The following FGF14 variants were observed in gnomAD, a reference collection of about 807,000 sequenced individuals.
FGF14 encodes the protein fibroblast growth factor 14.
A neutral mutation model predicts 25.5 loss-of-function variants in FGF14; 5 were observed. The observed-to-expected ratio is 0.20, with a 90% CI of 0.10 to 0.41. The LOEUF is 0.41. FGF14 is among the 10% of genes least tolerant of loss of function. The pLI is 1.00. For synonymous variants in FGF14, 138 were observed against 118.3 expected, an observed-to-expected ratio of 1.17 and a Z score of -1.08; for missense variants, 222 against 320.1, an observed-to-expected ratio of 0.69 and a Z score of 2.34.
intron 1 of FGF14, among the ~76,000 whole-genome samples, chr13:102,131,621 C>A (rs916680413): frequency 6.6e-6 from 1 of 152,138 alleles, no homozygotes; most frequent in African/African-American, 2.4e-5. Flanking sequence ...CTATATGAAG[C>A]TTTGGTCAAA....
intron 3 of FGF14, among the ~76,000 whole-genome samples, chr13:101,849,776 A>G (rs1214818178): frequency 2.0e-5 from 3 of 152,050 alleles, no homozygotes; most frequent in Non-Finnish European, 2.9e-5. Context: ...TTGAGAGGCA[A>G]TTAAGTTCCT....
intron 1 of FGF14, among the ~76,000 whole-genome samples, chr13:101,926,715 C>T (rs1010120197): frequency 3.9e-5 from 6 of 152,194 alleles, no homozygotes; most frequent in Non-Finnish European, 8.8e-5. Context: ...AGATTTGGGG[C>T]CTAAGGCTAT....
intron 1 of FGF14, among the ~76,000 whole-genome samples, chr13:102,034,847 A>C (rs973031838): frequency 6.6e-6 from 1 of 151,836 alleles, no homozygotes; most frequent in Non-Finnish European, 1.5e-5. Flanking sequence ...ATGGCCCCAG[A>C]CTCTCTATGA....
intron 1 of FGF14, among the ~76,000 whole-genome samples, chr13:102,017,669 CAA>C (rs1462551816): frequency 6.6e-5 from 10 of 152,132 alleles, no homozygotes; most frequent in Non-Finnish European, 1.5e-5. Context: ...TTTAGTTCTG[CAA>C]AGTTTTCATC....
At chr13:102,178,355 G>T (rs1034316502) in intron 1 of FGF14, among the ~76,000 whole-genome samples, 3 of 152,076 alleles carry the variant, frequency 2.0e-5, no homozygotes, top group African/African-American at 7.2e-5. Context: ...AAATCACCTA[G>T]ATCTCTAATA....
chr13:101,864,672 C>T (rs2044600605), intron 3 of FGF14, among the ~76,000 whole-genome samples: 1 of 152,038 alleles, frequency 6.6e-6, no homozygotes, highest in Non-Finnish European at 1.5e-5. Flanking sequence ...TATTTCTCTC[C>T]ACTTATACAA....
At chr13:102,035,839 T>C (rs1461727444) in intron 1 of FGF14, among the ~76,000 whole-genome samples, 4 of 152,100 alleles carry the variant, frequency 2.6e-5, no homozygotes, top group Non-Finnish European at 5.9e-5. Flanking sequence ...AGCTCTAAAG[T>C]GCTGTGTTGA....
rs2034868057 is a variant in FGF14, at chr13:101,719,920, C to CAAAG, written c.*2907_*2910dup. 3 of 152,180 alleles carry CAAAG rather than the reference C, an allele frequency of 2.0e-5. No homozygotes were observed. The highest frequency in any genetic ancestry group is 2.1e-4 in the South Asian group (1 of 4,822). 9.4% of individuals were successfully genotyped at this position (152,180 alleles called of 1,614,324 possible). On this transcript the variant is annotated 3_prime_UTR_variant, in exon 5 of 5. Transcript: ENST00000376143. ...AAACAAATAGCAAGAGAGGTATCAT[C>CAAAG]AAAGAGCTAAAATTTTCTTTGGCAT... is the stretch of plus-strand genomic sequence containing the variant.
intron 1 of FGF14, among the ~76,000 whole-genome samples, chr13:102,143,688 T>G (rs895617953): frequency 6.6e-6 from 1 of 152,234 alleles, no homozygotes; most frequent in African/African-American, 2.4e-5. Flanking sequence ...TCTACTGACT[T>G]GATAGAGTCA....
intron 1 of FGF14, among the ~76,000 whole-genome samples, chr13:102,290,404 T>C (rs570824450): frequency 7.2e-5 from 11 of 152,316 alleles, no homozygotes; most frequent in Non-Finnish European, 1.3e-4. Flanking sequence ...GTTTAGCTTA[T>C]AAGCTACCCA....
intron 1 of FGF14, among the ~76,000 whole-genome samples, chr13:101,971,914 C>T (rs1320846722): frequency 2.0e-5 from 3 of 152,234 alleles, no homozygotes; most frequent in Non-Finnish European, 4.4e-5. Flanking sequence ...TTCTACATGG[C>T]AGGGCCTGGG....
chr13:102,050,209 G>A (rs576503645), intron 1 of FGF14, among the ~76,000 whole-genome samples: 2 of 152,278 alleles, frequency 1.3e-5, no homozygotes, highest in South Asian at 2.1e-4. Context: ...TTTCTAGGAT[G>A]TACTTATCCT....
intron 1 of FGF14, among the ~76,000 whole-genome samples, chr13:102,051,655 C>A (rs1361192106): frequency 6.6e-6 from 1 of 152,180 alleles, no homozygotes; most frequent in African/African-American, 2.4e-5. Context: ...CCAACTCTGA[C>A]CTTAGCTGAT....
At chr13:101,854,600 C>A (rs2044027620) in intron 3 of FGF14, among the ~76,000 whole-genome samples, 1 of 152,056 alleles carries the variant, frequency 6.6e-6, no homozygotes, top group Non-Finnish European at 1.5e-5. Flanking sequence ...TTATGCATTT[C>A]TTGGAAAGCA....
At chr13:102,207,624 T>TAAAAAAA (rs35568335) in intron 1 of FGF14, among the ~76,000 whole-genome samples, 3 of 92,472 alleles carry the variant, frequency 3.2e-5, no homozygotes, top group Admixed American at 1.2e-4. Flanking sequence ...CAGTTTTCAT[T>TAAAAAAA]AAAAAAAAAA....
chr13:102,304,091 A>AATCATC (rs148147112), intron 1 of FGF14, among the ~76,000 whole-genome samples: 2 of 151,584 alleles, frequency 1.3e-5, no homozygotes, highest in African/African-American at 2.4e-5. Flanking sequence ...ACTGAACCCA[A>AATCATC]ATCATCATCA....
chr13:101,829,153 T>C (rs1415439267), intron 3 of FGF14, among the ~76,000 whole-genome samples: 1 of 152,094 alleles, frequency 6.6e-6, no homozygotes, highest in Non-Finnish European at 1.5e-5. Context: ...ATTATTCTCA[T>C]CCAAAAGTCT....
chr13:102,292,070 A>T (rs1451474376), intron 1 of FGF14, among the ~76,000 whole-genome samples: 1 of 151,994 alleles, frequency 6.6e-6, no homozygotes, highest in Non-Finnish European at 1.5e-5. Context: ...CCCAATCCCA[A>T]GCGCTTGCAG....
Position 101,906,726 on chromosome 13 carries a change from A to G in FGF14, c.193+9727T>C, listed in dbSNP as rs9554832. On this transcript the variant is annotated intron_variant, in intron 1 of 4. Transcript: ENST00000376143. ...CTACTCTAATTGCCAGCTCTTTGCC[A>G]TTTGCTTATACCTTAAAAGCTGTTT... 3.9e-5 allele frequency among the ~76,000 whole-genome samples: 6 copies of G among 152,288 alleles called. No homozygotes were observed. In the East Asian group the frequency reaches 1.2e-3, roughly 29 times the overall value.
Sources: gnomAD v4.1 joint callset for allele counts (sites outside exome capture counted in the v4.1 genomes callset) on GRCh38, gnomAD v4.1.1 for gene constraint, MANE v1.5 for transcripts, NCBI Gene and HGNC (gene_info 2026-07-23, HGNC 2026-07-21) for gene names.